COMMD10: variants seen among roughly 807,000 people sequenced by gnomAD.
The protein encoded by COMMD10 is COMM domain containing 10.
Under a neutral mutation model 28.9 loss-of-function variants are expected in COMMD10, and 33 were observed. That is an observed-to-expected ratio of 1.14 (90% CI 0.87 to 1.53). The LOEUF (loss-of-function observed/expected upper bound fraction) is 1.53. Among genes scored for constraint, COMMD10 ranks in the 40% most tolerant of loss-of-function variants. The pLI, the probability that COMMD10 is intolerant of heterozygous loss-of-function variation, is 0.00. For missense variants in COMMD10, 310 were observed against 233.4 expected (o/e 1.33, Z -2.14); for synonymous variants, 110 against 81.7 (o/e 1.35, Z -1.87).
chr5:116,246,472 GAA>G (rs533014985), intron 5 of COMMD10, among the ~76,000 whole-genome samples: 1 of 139,676 alleles, frequency 7.2e-6, no homozygotes, highest in Non-Finnish European at 1.6e-5. Context: ...GTAGAACTAG[GAA>G]AAAAAAAAAA....
At chr5:116,102,054 C>T (rs1001951673) in intron 4 of COMMD10, among the ~76,000 whole-genome samples, 7 of 152,100 alleles carry the variant, frequency 4.6e-5, no homozygotes, top group African/African-American at 1.7e-4. Context: ...GGCAAATCTT[C>T]TTAGTTTAAC....
chr5:116,283,435 C>G (rs1751128276), intron 5 of COMMD10, among the ~76,000 whole-genome samples: 1 of 151,514 alleles, frequency 6.6e-6, no homozygotes. Context: ...CAACCTCCAC[C>G]TCCCGGGTTC....
chr5:116,271,973 T>C (rs1404483779), intron 5 of COMMD10, among the ~76,000 whole-genome samples: 2 of 151,868 alleles, frequency 1.3e-5, no homozygotes, highest in South Asian at 2.1e-4. Flanking sequence ...ATAACCACTT[T>C]GGGATTACAC....
At chr5:116,189,405 A>T (rs1406271327) in intron 5 of COMMD10, among the ~76,000 whole-genome samples, 1 of 152,110 alleles carries the variant, frequency 6.6e-6, no homozygotes, top group Non-Finnish European at 1.5e-5. Context: ...CATTCTCAGC[A>T]GAGGCTTCCT....
intron 5 of COMMD10, among the ~76,000 whole-genome samples, chr5:116,257,046 A>G (rs573195431): frequency 1.2e-4 from 18 of 151,940 alleles, no homozygotes; most frequent in African/African-American, 4.4e-4. Context: ...TGTTTTTGTT[A>G]AAAGGTTACT....
intron 5 of COMMD10, among the ~76,000 whole-genome samples, chr5:116,225,375 T>A (rs185311400): frequency 8.5e-6 from 1 of 117,654 alleles, no homozygotes; most frequent in Non-Finnish European, 1.8e-5. Flanking sequence ...TTTTTTTGCA[T>A]ATGTAGAAAT....
intron 5 of COMMD10, among the ~76,000 whole-genome samples, chr5:116,192,437 G>A (rs541182031): frequency 5.3e-5 from 8 of 151,752 alleles, no homozygotes; most frequent in East Asian, 1.9e-4. Context: ...GAAGTGAAGG[G>A]GGAAATATTC....
intron 4 of COMMD10, among the ~76,000 whole-genome samples, chr5:116,131,534 A>G (rs1751863306): frequency 6.6e-6 from 1 of 151,986 alleles, no homozygotes; most frequent in Non-Finnish European, 1.5e-5. Context: ...TTCCTCTTTC[A>G]TACATTCATT....
At chr5:116,200,575 G>C (rs1580543277) in intron 5 of COMMD10, among the ~76,000 whole-genome samples, 2 of 151,156 alleles carry the variant, frequency 1.3e-5, no homozygotes, top group South Asian at 4.2e-4. Flanking sequence ...ACCTTTTGTA[G>C]TTGTGCCACA....
chr5:116,104,211 G>A (rs1430893457), intron 4 of COMMD10, among the ~76,000 whole-genome samples: 1 of 152,158 alleles, frequency 6.6e-6, no homozygotes, highest in East Asian at 1.9e-4. Flanking sequence ...GATGGGGATA[G>A]CATTGAATCT....
At chr5:116,261,946 T>C (rs914714771) in intron 5 of COMMD10, among the ~76,000 whole-genome samples, 1 of 151,824 alleles carries the variant, frequency 6.6e-6, no homozygotes, top group Non-Finnish European at 1.5e-5. Flanking sequence ...TTTGTATCTT[T>C]GACTATTCTA....
At chr5:116,116,916 A>T (rs10075063) in intron 4 of COMMD10, among the ~76,000 whole-genome samples, 76,603 of 152,018 alleles carry the variant, frequency 0.5, 21,905 homozygotes, top group Non-Finnish European at 0.65. Flanking sequence ...TTTAATTATG[A>T]TACCTAACAA....
chr5:116,157,492 G>T (rs952432438), intron 5 of COMMD10, among the ~76,000 whole-genome samples: 1 of 152,116 alleles, frequency 6.6e-6, no homozygotes, highest in African/African-American at 2.4e-5. Context: ...CATTTAGCAG[G>T]TTACCCTGGG....
chr5:116,086,527 C>G (rs1322370108), intron 1 of COMMD10, among the ~76,000 whole-genome samples: 2 of 151,884 alleles, frequency 1.3e-5, no homozygotes, highest in Admixed American at 1.3e-4. Context: ...GGCGCCATCT[C>G]GGCTCACTGC....
intron 5 of COMMD10, among the ~76,000 whole-genome samples, chr5:116,197,955 T>C (rs921922304): frequency 1.3e-5 from 2 of 152,198 alleles, no homozygotes; most frequent in Non-Finnish European, 2.9e-5. Flanking sequence ...CTTATGGTTA[T>C]TACCTGGAAG....
intron 5 of COMMD10, among the ~76,000 whole-genome samples, chr5:116,162,725 G>C (rs1752957057): frequency 6.6e-6 from 1 of 152,112 alleles, no homozygotes; most frequent in South Asian, 2.1e-4. Flanking sequence ...TATACTGTTT[G>C]GTCAATTTTG....
intron 5 of COMMD10, among the ~76,000 whole-genome samples, chr5:116,256,792 A>G (rs1196685941): frequency 1.3e-5 from 2 of 151,798 alleles, no homozygotes; most frequent in Non-Finnish European, 2.9e-5. Context: ...GCATTAAACA[A>G]AGTTTGCATA....
At chr5:116,105,152 GT>G (rs373752197) in intron 4 of COMMD10, among the ~76,000 whole-genome samples, 21 of 152,074 alleles carry the variant, frequency 1.4e-4, no homozygotes, top group African/African-American at 4.3e-4. Context: ...TTTATTGAGA[GT>G]TTTTTTTAGC....
intron 5 of COMMD10, among the ~76,000 whole-genome samples, chr5:116,213,633 T>G (rs555579274): frequency 6.6e-6 from 1 of 152,220 alleles, no homozygotes; most frequent in East Asian, 1.9e-4. Context: ...TCAGAAGTCT[T>G]TTACATTGAG....
Sources: gnomAD v4.1 joint callset for allele counts (sites outside exome capture counted in the v4.1 genomes callset) on GRCh38, gnomAD v4.1.1 for gene constraint, MANE v1.5 for transcripts, NCBI Gene and HGNC (gene_info 2026-07-23, HGNC 2026-07-21) for gene names.